Variants in MCC observed in about 807,000 individuals in gnomAD.
MCC encodes the protein MCC regulator of Wnt signaling pathway, also known as colorectal mutant cancer protein.
In MCC, 90 loss-of-function variants were observed where a neutral mutation model predicts 116.2. The observed-to-expected ratio is 0.77, with a 90% CI of 0.65 to 0.92. The LOEUF (loss-of-function observed/expected upper bound fraction) is 0.92. MCC is among the 40% of genes least tolerant of loss of function. The pLI is 0.00. For synonymous variants in MCC, 578 were observed against 510.5 expected (o/e 1.13, Z -1.78); for missense variants, 1,516 against 1,312.2 (o/e 1.16, Z -2.40).
chr5:113,423,904 C>T (rs10053052), intron 1 of MCC, among the ~76,000 whole-genome samples: 17,766 of 152,066 alleles, frequency 0.12, 1,804 homozygotes, highest in African/African-American at 0.28. Flanking sequence ...GAAGTCCTCA[C>T]GGAGAATGGT....
At chr5:113,309,600 A>G (rs1158327478) in intron 3 of MCC, among the ~76,000 whole-genome samples, 2 of 152,168 alleles carry the variant, frequency 1.3e-5, no homozygotes, top group Non-Finnish European at 2.9e-5. Flanking sequence ...ATATACACAC[A>G]CACCATGTTT....
At chr5:113,103,607 C>A (rs1332914524) in intron 7 of MCC, among the ~76,000 whole-genome samples, 1 of 152,174 alleles carries the variant, frequency 6.6e-6, no homozygotes, top group Admixed American at 6.5e-5. Context: ...GAAACTTGGG[C>A]CTGCATTTTC....
At chr5:113,072,388 C>T (rs1754101658) in intron 11 of MCC, among the ~76,000 whole-genome samples, 1 of 152,198 alleles carries the variant, frequency 6.6e-6, no homozygotes, top group African/African-American at 2.4e-5. Flanking sequence ...CCCCTGTTCA[C>T]ATTAAGACTT....
intron 3 of MCC, chr5:113,204,621 G>T (rs554071788): frequency 4.6e-5 from 7 of 152,196 alleles, no homozygotes; most frequent in Non-Finnish European, 7.3e-5. Flanking sequence ...GGCAGAGAGC[G>T]AGCAGGCCCT....
At chr5:113,248,355 G>A (rs1225367680) in intron 3 of MCC, among the ~76,000 whole-genome samples, 2 of 152,102 alleles carry the variant, frequency 1.3e-5, no homozygotes, top group African/African-American at 4.8e-5. Flanking sequence ...AAAACACACT[G>A]GATGGGGTTA....
intron 4 of MCC, among the ~76,000 whole-genome samples, chr5:113,147,064 A>T (rs1759569067): frequency 6.6e-6 from 1 of 152,204 alleles, no homozygotes; most frequent in Admixed American, 6.5e-5. Flanking sequence ...GTTTTTCCCA[A>T]ATTTCATCTG....
intron 3 of MCC, among the ~76,000 whole-genome samples, chr5:113,227,312 G>A (rs1359726378): frequency 6.7e-6 from 1 of 149,550 alleles, no homozygotes; most frequent in Non-Finnish European, 1.5e-5. Context: ...TATCTTCATT[G>A]CACCAGAAAA....
At chr5:113,472,993 A>G (rs1447432232) in intron 1 of MCC, among the ~76,000 whole-genome samples, 1 of 152,214 alleles carries the variant, frequency 6.6e-6, no homozygotes, top group African/African-American at 2.4e-5. Flanking sequence ...GAGAGATACA[A>G]AGACATTGTT....
At chr5:113,470,467 C>G (rs954976435) in intron 1 of MCC, among the ~76,000 whole-genome samples, 4 of 152,112 alleles carry the variant, frequency 2.6e-5, no homozygotes, top group African/African-American at 9.7e-5. Flanking sequence ...ATATGAAATT[C>G]TGGGTTGAAA....
intron 1 of MCC, among the ~76,000 whole-genome samples, chr5:113,481,213 A>C (rs1330975471): frequency 2.0e-5 from 3 of 152,214 alleles, no homozygotes; most frequent in African/African-American, 7.2e-5. Context: ...CAATATGATA[A>C]AAATCTATAA....
At chr5:113,241,634 A>C (rs1764372780) in intron 3 of MCC, among the ~76,000 whole-genome samples, 1 of 152,198 alleles carries the variant, frequency 6.6e-6, no homozygotes, top group South Asian at 2.1e-4. Context: ...CACCTTCCCT[A>C]AAGAACAGAG....
rs755288339 is a variant in MCC, at chr5:113,488,237, C to G, written c.170+8G>C. ...CTCCTGTCGGTTTCCTCGTACCTCC[C>G]CGCGTACCTGCTGATGTATCCGTCC... On this transcript the variant is annotated splice_region_variant and intron_variant, in intron 1 of 18. Transcript: ENST00000408903. 6.3e-7 allele frequency: 1 copy of G among 1,587,076 alleles called. No individual in the cohort carries two copies. The highest frequency in any genetic ancestry group is 2.5e-5 in the East Asian group (1 of 39,644).
intron 8 of MCC, among the ~76,000 whole-genome samples, chr5:113,100,897 G>A (rs1297058239): frequency 1.3e-5 from 2 of 152,166 alleles, no homozygotes; most frequent in African/African-American, 4.8e-5. Context: ...GTAATTCAAA[G>A]TGAAGTTCTG....
chr5:113,147,355 C>T (rs1308496869), intron 4 of MCC, among the ~76,000 whole-genome samples: 2 of 152,096 alleles, frequency 1.3e-5, no homozygotes, highest in Non-Finnish European at 2.9e-5. Flanking sequence ...TTGGAAAAAC[C>T]CTGTGCAATG....
At chr5:113,368,717 A>T (rs58268819) in intron 2 of MCC, among the ~76,000 whole-genome samples, 5,621 of 152,156 alleles carry the variant, frequency 0.037, 361 homozygotes, top group African/African-American at 0.13. Flanking sequence ...ACAAGCAAGG[A>T]ATCAGTTCTG....
intron 3 of MCC, among the ~76,000 whole-genome samples, chr5:113,170,034 A>T (rs1401276586): frequency 6.6e-6 from 1 of 152,232 alleles, no homozygotes; most frequent in Non-Finnish European, 1.5e-5. Flanking sequence ...ACTATGGTAG[A>T]ATTAGATGGA....
intron 3 of MCC, among the ~76,000 whole-genome samples, chr5:113,260,141 T>A (rs1380735902): frequency 1.3e-5 from 2 of 152,238 alleles, no homozygotes; most frequent in Non-Finnish European, 2.9e-5. Context: ...CAACTTTTTG[T>A]TTTCAGGATC....
At chr5:113,063,004 C>T (rs1225218593) in intron 14 of MCC, among the ~76,000 whole-genome samples, 1 of 152,180 alleles carries the variant, frequency 6.6e-6, no homozygotes, top group Non-Finnish European at 1.5e-5. Context: ...GTCATGAGAT[C>T]CAATGTGGGA....
intron 17 of MCC, among the ~76,000 whole-genome samples, chr5:113,029,341 G>A (rs1750798159): frequency 6.6e-6 from 1 of 150,716 alleles, no homozygotes; most frequent in African/African-American, 2.4e-5. Flanking sequence ...AGCTAATCTA[G>A]AAGTTCCTTT....
Sources: allele counts gnomAD v4.1 joint callset (sites outside exome capture counted in the v4.1 genomes callset), GRCh38; gene constraint gnomAD v4.1.1; transcripts MANE v1.5; gene names NCBI Gene and HGNC (gene_info 2026-07-23, HGNC 2026-07-21).